Variants in FAM120C observed in about 807,000 individuals in gnomAD.
FAM120C encodes the protein family with sequence similarity 120 member C, also known as constitutive coactivator of PPAR-gamma-like protein 2.
In FAM120C, 14 loss-of-function variants were observed where a neutral mutation model predicts 71.2. The ratio of observed to expected loss-of-function variants is 0.20; its 90% CI spans 0.13 to 0.31. FAM120C has a LOEUF of 0.31. FAM120C is among the 10% of genes least tolerant of loss of function. FAM120C has a pLI of 1.00. For synonymous variants in FAM120C, 354 were observed against 353.2 expected, an observed-to-expected ratio of 1.00 and a Z score of -0.03; for missense variants, 500 against 879.0, an observed-to-expected ratio of 0.57 and a Z score of 5.45.
intron 14 of FAM120C, 100 bp from the exon 15 acceptor site, chrX:54,080,389 C>T: frequency 1.5e-6 from 1 of 645,793 alleles, no homozygotes; most frequent in Non-Finnish European, 2.5e-6. Context: ...GTTTGACCCT[C>T]TTCAGTCAGA....
chrX:54,129,844 C>T (rs2067054373), intron 9 of FAM120C, among the ~76,000 whole-genome samples: 1 of 111,455 alleles, frequency 9.0e-6, no homozygotes, highest in African/African-American at 3.3e-5. Flanking sequence ...ACAGCGAAAC[C>T]CGGTCTCCAC....
At chrX:54,084,013 C>T (rs1271263371) in intron 13 of FAM120C, among the ~76,000 whole-genome samples, 1 of 110,906 alleles carries the variant, frequency 9.0e-6, no homozygotes, top group Non-Finnish European at 1.9e-5. Flanking sequence ...GCCACTGCTC[C>T]CTGCCTAGAG....
chrX:54,074,226 T>G (rs892568054), intron 15 of FAM120C, among the ~76,000 whole-genome samples: 2 of 111,454 alleles, frequency 1.8e-5, no homozygotes, highest in African/African-American at 6.5e-5. Context: ...ATGAGGAAGG[T>G]GAGGCTCAGA....
At chrX:54,147,496 A>C (rs2067163254) in intron 4 of FAM120C, 1 of 110,933 alleles carries the variant, frequency 9.0e-6, no homozygotes, top group Non-Finnish European at 1.9e-5. Flanking sequence ...CCCAAGCATA[A>C]AATAAAGTAT....
chrX:54,147,188 G>A (rs958440263), intron 4 of FAM120C, among the ~76,000 whole-genome samples: 2 of 110,371 alleles, frequency 1.8e-5, no homozygotes, highest in South Asian at 3.9e-4. Context: ...GTGGGGGCGC[G>A]TGCCTGTAAT....
chrX:54,151,729 G>T (rs2067185084), intron 3 of FAM120C, among the ~76,000 whole-genome samples: 2 of 111,091 alleles, frequency 1.8e-5, no homozygotes, highest in Admixed American at 1.9e-4. Context: ...ATCACAAAAG[G>T]CCATTTTAAG....
chrX:54,179,410 A>G (rs1480500595), intron 1 of FAM120C, among the ~76,000 whole-genome samples: 1 of 112,151 alleles, frequency 8.9e-6, no homozygotes, highest in African/African-American at 3.2e-5. Flanking sequence ...AGGCACTGAC[A>G]TTCAGTCAAA....
chrX:54,146,212 C>T (rs1250926687), intron 4 of FAM120C, among the ~76,000 whole-genome samples: 2 of 110,578 alleles, frequency 1.8e-5, no homozygotes, highest in Admixed American at 9.7e-5. Flanking sequence ...ATGTAAATGA[C>T]GAGTTAACAG....
intron 10 of FAM120C, among the ~76,000 whole-genome samples, chrX:54,113,058 C>T (rs782096895): frequency 1.3e-3 from 140 of 108,504 alleles, no homozygotes; most frequent in Non-Finnish European, 1.7e-3. Flanking sequence ...CAAAAGTCAA[C>T]TTAAGATAGA....
At chrX:54,165,623 A>T (rs2067255744) in intron 1 of FAM120C, among the ~76,000 whole-genome samples, 1 of 110,012 alleles carries the variant, frequency 9.1e-6, no homozygotes, top group Non-Finnish European at 1.9e-5. Flanking sequence ...CTAAAAATAC[A>T]AAATTTAGCC....
intron 10 of FAM120C, 108 bp from the exon 11 acceptor site, chrX:54,091,534 G>A (rs992499945): frequency 4.2e-6 from 2 of 479,597 alleles, no homozygotes; most frequent in Admixed American, 3.9e-5. Context: ...CTAGATTTTG[G>A]CAATACTAAC....
chrX:54,115,237 A>G (rs1339040339), intron 10 of FAM120C, among the ~76,000 whole-genome samples: 1 of 112,515 alleles, frequency 8.9e-6, no homozygotes, highest in African/African-American at 3.2e-5. Context: ...CATATCTGAC[A>G]AAGAACTTCT....
intron 1 of FAM120C, among the ~76,000 whole-genome samples, chrX:54,169,814 C>G: frequency 8.9e-6 from 1 of 112,466 alleles, no homozygotes; most frequent in Non-Finnish European, 1.9e-5. Context: ...TAATTACAGA[C>G]TGAAACTACT....
chrX:54,070,843 G>A lies in FAM120C; in HGVS notation c.*2190C>T, dbSNP rs1441323457. On this transcript the variant is annotated 3_prime_UTR_variant, in exon 16 of 16. Transcript: ENST00000375180. ...TAAGAAGTATCTGGGCAGGGGTCAA[G>A]GCATTGCAGGGCTCCCTCCCCCTGA... 3 of 111,494 alleles carry A rather than the reference G, an allele frequency of 2.7e-5. No individual in the cohort carries two copies. The highest frequency in any genetic ancestry group is 9.8e-5 in the African/African-American group (3 of 30,704). 9.2% of individuals were successfully genotyped at this position (111,494 alleles called of 1,213,427 possible). A position where few individuals can be genotyped will look rare whatever the true frequency, so the allele number is the denominator to read the frequency against.
chrX:54,098,613 T>C (rs1409740687), intron 10 of FAM120C, among the ~76,000 whole-genome samples: 4 of 111,355 alleles, frequency 3.6e-5, no homozygotes, highest in Admixed American at 9.7e-5. Flanking sequence ...TTTGTATATG[T>C]TCTTTTTTAT....
chrX:54,143,623 T>C (rs1034340866), intron 4 of FAM120C, among the ~76,000 whole-genome samples: 8 of 111,797 alleles, frequency 7.2e-5, no homozygotes, highest in African/African-American at 2.3e-4. Flanking sequence ...CAGGAAAAAG[T>C]TGAATCTCTG....
chrX:54,129,004 G>T (rs1302250598), intron 9 of FAM120C, among the ~76,000 whole-genome samples: 1 of 110,700 alleles, frequency 9.0e-6, no homozygotes, highest in Non-Finnish European at 1.9e-5. Flanking sequence ...CCCAGACGGG[G>T]TGGTGGCCGG....
chrX:54,142,152 C>T (rs1395861358), intron 4 of FAM120C, among the ~76,000 whole-genome samples: 4 of 112,124 alleles, frequency 3.6e-5, no homozygotes, highest in Non-Finnish European at 7.5e-5. Flanking sequence ...CTCCAGTCTA[C>T]AGCTCCCAGC....
chrX:54,131,047 T>C (rs1247057055), intron 9 of FAM120C, among the ~76,000 whole-genome samples: 1 of 111,894 alleles, frequency 8.9e-6, no homozygotes, highest in Non-Finnish European at 1.9e-5. Flanking sequence ...GTCCTGGGCT[T>C]TTAGTTGTAC....
Sources: gnomAD v4.1 joint callset for allele counts (sites outside exome capture counted in the v4.1 genomes callset) on GRCh38, gnomAD v4.1.1 for gene constraint, MANE v1.5 for transcripts, NCBI Gene and HGNC (gene_info 2026-07-23, HGNC 2026-07-21) for gene names.